Variants in PLAGL1 observed in about 807,000 individuals in gnomAD.
The protein encoded by PLAGL1 is PLAG1 like zinc finger 1, also known as zinc finger protein PLAGL1.
PLAGL1 carries 1 observed loss-of-function variant against 4.6 expected under a neutral mutation model. The ratio of observed to expected loss-of-function variants is 0.22; its 90% CI spans 0.08 to 1.03. The LOEUF (loss-of-function observed/expected upper bound fraction) is 1.03, where lower values mean the gene tolerates loss of function less well. PLAGL1 is among the 50% of genes least tolerant of loss of function. PLAGL1 has a pLI of 0.58. For synonymous variants in PLAGL1, 240 were observed against 237.8 expected (o/e 1.01, Z -0.08); for missense variants, 464 against 570.4 (o/e 0.81, Z 1.90).
At chr6:144,042,741 T>C (rs1476710809) in intron 1 of PLAGL1, among the ~76,000 whole-genome samples, 1 of 152,228 alleles carries the variant, frequency 6.6e-6, no homozygotes. Flanking sequence ...GCGGATGGCA[T>C]TGAATCTATA....
At position 143,973,670 on chromosome 6, in the gene PLAGL1, G is replaced by A. The variant is rs773617504; in HGVS notation, c.-543-4692C>T. Among the ~76,000 whole-genome samples, 1 of 152,126 alleles carries A rather than the reference G, an allele frequency of 6.6e-6. No individual in the cohort carries two copies. The highest frequency in any genetic ancestry group is 2.4e-5 in the African/African-American group (1 of 41,404). On this transcript the variant is annotated intron_variant, in intron 2 of 7. Coordinates refer to ENST00000674357, the MANE Select transcript of PLAGL1 (RefSeq NM_001317162.2). The surrounding 1 kb of genome is among the most constrained non-coding windows in gnomAD (Gnocchi z 6.2). ...CTATATGGAAACTTTATTCTCAATC[G>A]AATGGTTCGTTCTAATAGCCAGAGG...
rs1347686027 is a variant in PLAGL1, at chr6:143,940,336, A to ATGTT, written c.*1084_*1087dup. The ATGTT allele has an allele frequency of 1.3e-5, 2 of 152,230 alleles. No homozygotes were observed. Among genetic ancestry groups the ATGTT allele is most frequent in the African/African-American group, 4.8e-5 (2 of 41,452 alleles). 9.4% of individuals were successfully genotyped at this position (152,230 alleles called of 1,614,324 possible). A position where few individuals can be genotyped will look rare whatever the true frequency, so the allele number is the denominator to read the frequency against. The stretch of plus-strand genomic sequence containing the variant: ...GAAAAGTTTATTATATGTAAGATAT[A>ATGTT]TGTTTACGGAAAAGCCTCTAAAAAC... On this transcript the variant is annotated 3_prime_UTR_variant, in exon 8 of 8. Transcript: ENST00000674357.
rs67928472 is a variant in PLAGL1 at position 144,027,234 on chromosome 6, C to CGAAAGAAAGAAAGAAAGAAAGAAAGAAA, written c.-151+37206_-151+37233dup. On this transcript the variant is annotated intron_variant, in intron 1 of 3. Coordinates refer to the PLAGL1 transcript ENST00000437412. The surrounding 1 kb of genome is among the most constrained non-coding windows in gnomAD (Gnocchi z 5.8). ...GAAAGACCCCAACTCAAAGAACGAACGAAAGAAAGAAAGAAAGAAAGAAAG... is the reference window on the plus strand; with the variant it reads ...GAAAGACCCCAACTCAAAGAACGAACGAAAGAAAGAAAGAAAGAAAGAAAGAAAGAAAGAAAGAAAGAAAGAAAGAAAG... Among the ~76,000 whole-genome samples the CGAAAGAAAGAAAGAAAGAAAGAAAGAAA allele has an allele frequency of 5.4e-5, 6 of 111,632 alleles. No homozygotes were observed. Among genetic ancestry groups the CGAAAGAAAGAAAGAAAGAAAGAAAGAAA allele is most frequent in the Admixed American group, 1.9e-4 (2 of 10,532 alleles). 73.2% of individuals were successfully genotyped at this position (111,632 alleles called of 152,430 possible).
rs990898801 is a variant in PLAGL1, at chr6:144,050,244, T to G, written c.-151+14224A>C. ...ACTCATTCCAGGACAATACACCCACTGTGTGACATGCTAGGGGCAACCTCC... is the reference window on the plus strand; with the variant it reads ...ACTCATTCCAGGACAATACACCCACGGTGTGACATGCTAGGGGCAACCTCC... On this transcript the variant is annotated intron_variant, in intron 1 of 3. Transcript: ENST00000437412. This position sits in a 1 kb window ranked among gnomAD's most constrained non-coding sequence, Gnocchi z 4.3. Among the ~76,000 whole-genome samples the G allele has an allele frequency of 2.0e-5, 3 of 152,150 alleles. No homozygotes were observed. Among genetic ancestry groups the G allele is most frequent in the Middle Eastern group, 3.2e-3 (1 of 316 alleles).
chr6:143,944,818 C>T (rs1779415296), intron 7 of PLAGL1, among the ~76,000 whole-genome samples: 1 of 149,312 alleles, frequency 6.7e-6, no homozygotes, highest in Non-Finnish European at 1.5e-5. Context: ...TACTGGTGAA[C>T]AGGATCCCAT....
intron 1 of PLAGL1, among the ~76,000 whole-genome samples, chr6:143,998,936 A>C (rs991771056): frequency 6.6e-6 from 1 of 151,102 alleles, no homozygotes; most frequent in Non-Finnish European, 1.5e-5. Context: ...AGGACCAGAC[A>C]AAAAAAAGGA....
rs1779535852 is a variant in PLAGL1 at position 143,945,411 on chromosome 6, G to A, written c.152+2574C>T. ...TCTCTAACTGGTTTCATTATATGCT[G>A]TACTGGGACCCACATTCTGTTTTCT... is the stretch of plus-strand genomic sequence containing the variant. On this transcript the variant is annotated intron_variant, in intron 7 of 7. Coordinates refer to ENST00000674357, the MANE Select transcript of PLAGL1 (RefSeq NM_001317162.2). This position sits in a 1 kb window ranked among gnomAD's most constrained non-coding sequence, Gnocchi z 4.2. Among the ~76,000 whole-genome samples the A allele has an allele frequency of 6.6e-6, 1 of 151,918 alleles. No individual in the cohort carries two copies. The highest frequency in any genetic ancestry group is 2.1e-4 in the South Asian group (1 of 4,832).
At chr6:144,014,711 C>G (rs1424064924) in intron 1 of PLAGL1, among the ~76,000 whole-genome samples, 1 of 152,028 alleles carries the variant, frequency 6.6e-6, no homozygotes, top group Non-Finnish European at 1.5e-5. Flanking sequence ...TCCAGAATAG[C>G]TCGGACTACA....
Position 144,056,364 on chromosome 6 carries a change from G to A in PLAGL1, c.-151+8104C>T, listed in dbSNP as rs998302097. Among the ~76,000 whole-genome samples, 8 of 152,014 alleles carry A rather than the reference G, an allele frequency of 5.3e-5. No individual in the cohort carries two copies. Among genetic ancestry groups the A allele is most frequent in the African/African-American group, 1.9e-4 (8 of 41,338 alleles). On this transcript the variant is annotated intron_variant, in intron 1 of 3. Transcript: ENST00000437412. The surrounding 1 kb of genome is among the most constrained non-coding windows in gnomAD (Gnocchi z 4.7). ...CACCCAGCGTCCATGGTTCACATTCGGGCTCACCTTGACGTTATACATTCT... is the reference window on the plus strand; with the variant it reads ...CACCCAGCGTCCATGGTTCACATTCAGGCTCACCTTGACGTTATACATTCT...
At chr6:143,987,033 G>A (rs78345318) in intron 1 of PLAGL1, among the ~76,000 whole-genome samples, 18,169 of 152,074 alleles carry the variant, frequency 0.12, 1,349 homozygotes, top group Non-Finnish European at 0.16. Context: ...TTCTGGGAGG[G>A]AAGTTAATTC....
chr6:143,993,026 C>T (rs117126677), intron 1 of PLAGL1, among the ~76,000 whole-genome samples: 2,789 of 148,334 alleles, frequency 0.019, 20 homozygotes, highest in Non-Finnish European at 0.026. Context: ...AAACAGAAAA[C>T]GGCCGGGTGC....
rs1795515630 is a variant in PLAGL1 at position 144,015,660 on chromosome 6, A to T, written c.-150-46682T>A. On this transcript the variant is annotated intron_variant, in intron 1 of 3. Coordinates refer to the PLAGL1 transcript ENST00000437412. The surrounding 1 kb of genome is among the most constrained non-coding windows in gnomAD (Gnocchi z 4.3). ...CATCATTTCCCCAATGATTAATGCAAATCAAAACTACAGTGAAATACCGCT... is the reference window on the plus strand; with the variant it reads ...CATCATTTCCCCAATGATTAATGCATATCAAAACTACAGTGAAATACCGCT... Among the ~76,000 whole-genome samples, 1 of 152,228 alleles carries T rather than the reference A, an allele frequency of 6.6e-6. No individual in the cohort carries two copies. Among genetic ancestry groups the T allele is most frequent in the Non-Finnish European group, 1.5e-5 (1 of 68,040 alleles).
intron 1 of PLAGL1, among the ~76,000 whole-genome samples, chr6:144,054,798 T>A (rs1242208083): frequency 6.6e-6 from 1 of 151,492 alleles, no homozygotes; most frequent in Non-Finnish European, 1.5e-5. Context: ...TGTGTGTGTG[T>A]GTGTGTGTGT....
At chr6:144,014,932 T>G (rs374999045) in intron 1 of PLAGL1, among the ~76,000 whole-genome samples, 1 of 152,152 alleles carries the variant, frequency 6.6e-6, no homozygotes, top group Non-Finnish European at 1.5e-5. Context: ...TGGAAAGAGA[T>G]AAATGGTGTG....
At position 144,016,651 on chromosome 6, in the gene PLAGL1, A is replaced by C. The variant is rs1190087112; in HGVS notation, c.-150-47673T>G. On this transcript the variant is annotated intron_variant, in intron 1 of 3. Coordinates refer to the PLAGL1 transcript ENST00000437412. This position sits in a 1 kb window ranked among gnomAD's most constrained non-coding sequence, Gnocchi z 4.2. ...TTGGAGAATTTTACAAGGTGATAGA[A>C]ATGTTCTACCTCTTGGTTAGTAAGA... Among the ~76,000 whole-genome samples the C allele has an allele frequency of 6.6e-6, 1 of 152,182 alleles. No individual in the cohort carries two copies. The highest frequency in any genetic ancestry group is 1.5e-5 in the Non-Finnish European group (1 of 68,038).
At position 144,055,602 on chromosome 6, in the gene PLAGL1, GTCCATCTCTGCTCTGC is replaced by G. The variant is rs764026811; in HGVS notation, c.-151+8850_-151+8865del. On this transcript the variant is annotated intron_variant, in intron 1 of 3. Coordinates refer to the PLAGL1 transcript ENST00000437412. This position sits in a 1 kb window ranked among gnomAD's most constrained non-coding sequence, Gnocchi z 5.0. The stretch of plus-strand genomic sequence containing the variant: ...TCTTCCATTGATGGCCCTTGTGCTG[GTCCATCTCTGCTCTGC>G]CCCAACCCTGACCTTCACTTTCATC... Among the ~76,000 whole-genome samples the G allele has an allele frequency of 2.0e-5, 3 of 151,958 alleles. No homozygotes were observed. Among genetic ancestry groups the G allele is most frequent in the Non-Finnish European group, 4.4e-5 (3 of 67,984 alleles).
chr6:144,042,437 TC>T (rs1797815866), intron 1 of PLAGL1, among the ~76,000 whole-genome samples: 3 of 152,242 alleles, frequency 2.0e-5, no homozygotes, highest in Admixed American at 1.3e-4. Flanking sequence ...GGGAATCCTT[TC>T]CCCATTTCTT....
At chr6:144,030,253 T>TA (rs1796703285) in intron 1 of PLAGL1, among the ~76,000 whole-genome samples, 2 of 10,658 alleles carry the variant, frequency 1.9e-4, no homozygotes, top group Non-Finnish European at 3.6e-4. Context: ...AGACTCCGTC[T>TA]CAAAAAAAAA....
At chr6:143,976,189 G>C (rs1167241448) in intron 2 of PLAGL1, among the ~76,000 whole-genome samples, 1 of 151,474 alleles carries the variant, frequency 6.6e-6, no homozygotes, top group Non-Finnish European at 1.5e-5. Flanking sequence ...AACCAGAAAA[G>C]GCTTTGCAGA....
Sources: allele counts gnomAD v4.1 joint callset (sites outside exome capture counted in the v4.1 genomes callset), GRCh38; gene constraint gnomAD v4.1.1; non-coding constraint Gnocchi (gnomAD v3.1); transcripts MANE v1.5; gene names NCBI Gene and HGNC (gene_info 2026-07-23, HGNC 2026-07-21).